Variants in NXPE2 observed in about 807,000 individuals in gnomAD.
The protein encoded by NXPE2 is neurexophilin and PC-esterase domain family member 2.
A neutral mutation model predicts 34.4 loss-of-function variants in NXPE2; 34 were observed. The observed-to-expected ratio is 0.99, with a 90% CI of 0.75 to 1.31. NXPE2 has a LOEUF of 1.31. Ranked by LOEUF, NXPE2 falls within the 40% of genes most tolerant of loss-of-function variation. The probability of loss-of-function intolerance (pLI) is 0.00; values close to 1 mark genes in which losing one functional copy is unlikely to be tolerated. For missense variants in NXPE2, 649 were observed against 672.5 expected (o/e 0.97, Z 0.39); for synonymous variants, 235 against 231.3 (o/e 1.02, Z -0.15).
chr11:114,490,808 T>C, the NXPE2 span, among the ~76,000 whole-genome samples: 1 of 152,224 alleles, frequency 6.6e-6, no homozygotes, highest in South Asian at 2.1e-4. Flanking sequence ...ACTTCATGTC[T>C]AAAACGCCAA....
chr11:114,655,477 A>C, the NXPE2 span, among the ~76,000 whole-genome samples: 1 of 152,140 alleles, frequency 6.6e-6, no homozygotes, highest in Admixed American at 6.6e-5. Context: ...TTAAGTCTTT[A>C]ATCCATCTTG....
At chr11:114,746,213 G>T in the NXPE2 span, among the ~76,000 whole-genome samples, 39 of 152,036 alleles carry the variant, frequency 2.6e-4, no homozygotes, top group East Asian at 6.4e-3. Context: ...TTGTACTCTC[G>T]GTAATGAGGT....
At chr11:114,480,190 G>C in the NXPE2 span, among the ~76,000 whole-genome samples, 1 of 151,842 alleles carries the variant, frequency 6.6e-6, no homozygotes, top group Non-Finnish European at 1.5e-5. Flanking sequence ...AAAGCCTCTA[G>C]ATGGAGAAGG....
At chr11:114,750,991 G>A in the NXPE2 span, among the ~76,000 whole-genome samples, 80 of 152,034 alleles carry the variant, frequency 5.3e-4, 2 homozygotes, top group East Asian at 0.014. Flanking sequence ...TGGGGGTGGG[G>A]GGTGTGGAGT....
the NXPE2 span, among the ~76,000 whole-genome samples, chr11:114,597,257 A>G: frequency 6.6e-6 from 1 of 152,304 alleles, no homozygotes; most frequent in African/African-American, 2.4e-5. Flanking sequence ...AATAGAAGGA[A>G]AAGGAGGAAA....
chr11:114,631,365 C>T, the NXPE2 span, among the ~76,000 whole-genome samples: 1 of 151,744 alleles, frequency 6.6e-6, no homozygotes, highest in Non-Finnish European at 1.5e-5. Context: ...GAGTTCATGT[C>T]CTTTGTAGGG....
At chr11:114,782,444 C>T in the NXPE2 span, among the ~76,000 whole-genome samples, 1 of 152,226 alleles carries the variant, frequency 6.6e-6, no homozygotes, top group African/African-American at 2.4e-5. Flanking sequence ...CACCAAACTC[C>T]ACCTGGAAGA....
At chr11:114,662,611 G>GCACAGCT in the NXPE2 span, among the ~76,000 whole-genome samples, 1 of 152,068 alleles carries the variant, frequency 6.6e-6, no homozygotes, top group Non-Finnish European at 1.5e-5. Flanking sequence ...ATTCCAGGCT[G>GCACAGCT]CACAGCTCAC....
chr11:114,523,712 A>T, the NXPE2 span, among the ~76,000 whole-genome samples: 1 of 152,180 alleles, frequency 6.6e-6, no homozygotes, highest in African/African-American at 2.4e-5. Context: ...TCTGCCTTCT[A>T]TTACAGGTAG....
chr11:114,663,126 C>T, the NXPE2 span, among the ~76,000 whole-genome samples: 1 of 152,102 alleles, frequency 6.6e-6, no homozygotes, highest in East Asian at 1.9e-4. Flanking sequence ...ACTGAAGAGC[C>T]CTTGGGCCTT....
At chr11:114,615,085 A>G in the NXPE2 span, among the ~76,000 whole-genome samples, 1 of 151,940 alleles carries the variant, frequency 6.6e-6, no homozygotes, top group Middle Eastern at 3.2e-3. Context: ...TACCCTGTGG[A>G]AAATAAGTGT....
the NXPE2 span, among the ~76,000 whole-genome samples, chr11:114,609,378 GATA>G: frequency 3.3e-4 from 50 of 151,978 alleles, no homozygotes; most frequent in East Asian, 4.5e-3. Context: ...TTACCCGGTG[GATA>G]ATAAGTATTG....
the NXPE2 span, among the ~76,000 whole-genome samples, chr11:114,547,332 A>G: frequency 9.9e-5 from 15 of 152,250 alleles, no homozygotes; most frequent in Non-Finnish European, 1.3e-4. Context: ...CATGAGAAAA[A>G]TAACAGACAA....
the NXPE2 span, among the ~76,000 whole-genome samples, chr11:114,548,375 G>T: frequency 2.6e-5 from 4 of 152,038 alleles, no homozygotes; most frequent in East Asian, 7.7e-4. Flanking sequence ...TATAACTTTA[G>T]AGGAACATAT....
the NXPE2 span, among the ~76,000 whole-genome samples, chr11:114,713,795 G>T: frequency 6.6e-6 from 1 of 152,164 alleles, no homozygotes; most frequent in African/African-American, 2.4e-5. Flanking sequence ...TACAAGTCTT[G>T]CTGCACACAT....
intron 2 of NXPE2, among the ~76,000 whole-genome samples, chr11:114,696,360 G>GA (rs1555078634): frequency 0.083 from 10,520 of 126,832 alleles, 509 homozygotes; most frequent in Middle Eastern, 0.15. Flanking sequence ...AAAAAAAAAA[G>GA]AAAGAAAAGA....
the NXPE2 span, among the ~76,000 whole-genome samples, chr11:114,671,827 G>A: frequency 6.6e-6 from 1 of 151,990 alleles, no homozygotes. Context: ...AGTGACCACG[G>A]ACAGTAATTT....
At chr11:114,621,684 C>T in the NXPE2 span, among the ~76,000 whole-genome samples, 1 of 152,146 alleles carries the variant, frequency 6.6e-6, no homozygotes, top group African/African-American at 2.4e-5. Context: ...AGTGATGCCT[C>T]ATTGGTAACC....
At chr11:114,651,737 C>T in the NXPE2 span, among the ~76,000 whole-genome samples, 12 of 151,976 alleles carry the variant, frequency 7.9e-5, no homozygotes, top group Admixed American at 2.0e-4. Context: ...ACACACAGAG[C>T]GCTGATTGGT....
Sources: gnomAD v4.1 joint callset for allele counts (sites outside exome capture counted in the v4.1 genomes callset) on GRCh38, gnomAD v4.1.1 for gene constraint, MANE v1.5 for transcripts, NCBI Gene and HGNC (gene_info 2026-07-23, HGNC 2026-07-21) for gene names.